Variants in NHSL1 observed in about 807,000 individuals in gnomAD.
NHSL1 encodes the protein NHS-like protein 1.
NHSL1 carries 48 observed loss-of-function variants against 95.0 expected under a neutral mutation model. The observed-to-expected ratio is 0.51, with a 90% CI of 0.40 to 0.64. The LOEUF (loss-of-function observed/expected upper bound fraction) is 0.64, where lower values mean the gene tolerates loss of function less well. Among genes scored for constraint, NHSL1 ranks in the 30% least tolerant of loss-of-function variants. The pLI, the probability that NHSL1 is intolerant of heterozygous loss-of-function variation, is 0.00. For missense variants in NHSL1, 1,971 were observed against 2,077.7 expected (o/e 0.95, Z 1.00); for synonymous variants, 783 against 833.9 (o/e 0.94, Z 1.05).
intron 2 of NHSL1, among the ~76,000 whole-genome samples, chr6:138,494,137 A>G (rs1259501301): frequency 6.6e-6 from 1 of 152,194 alleles, no homozygotes; most frequent in Non-Finnish European, 1.5e-5. Flanking sequence ...TGGTGAACCT[A>G]TGGATAGCTA....
intron 1 of NHSL1, among the ~76,000 whole-genome samples, chr6:138,668,892 G>A (rs1326710368): frequency 6.6e-6 from 1 of 152,108 alleles, no homozygotes; most frequent in African/African-American, 2.4e-5. Flanking sequence ...AAAGTGCTGG[G>A]ATTACAGGTG....
intron 1 of NHSL1, among the ~76,000 whole-genome samples, chr6:138,620,123 G>A (rs1784635581): frequency 6.6e-6 from 1 of 151,648 alleles, no homozygotes. Flanking sequence ...ATTTAAGATG[G>A]AAACTAAAGA....
intron 1 of NHSL1, among the ~76,000 whole-genome samples, chr6:138,607,108 G>A (rs975472150): frequency 6.6e-6 from 1 of 152,140 alleles, no homozygotes; most frequent in Non-Finnish European, 1.5e-5. Flanking sequence ...GCTCCACACT[G>A]TTTGGGAATT....
chr6:138,443,889 A>C (rs919546006), intron 4 of NHSL1, among the ~76,000 whole-genome samples: 21 of 152,242 alleles, frequency 1.4e-4, no homozygotes, highest in Admixed American at 1.2e-3. Flanking sequence ...CTTCCTAGAC[A>C]AAAGATAAAA....
At chr6:138,586,072 T>G (rs1164021677) in intron 1 of NHSL1, among the ~76,000 whole-genome samples, 1 of 149,412 alleles carries the variant, frequency 6.7e-6, no homozygotes, top group Non-Finnish European at 1.5e-5. Context: ...AACAAATAAA[T>G]AAGAAGAAAA....
intron 1 of NHSL1, among the ~76,000 whole-genome samples, chr6:138,610,554 T>A (rs990274853): frequency 0.093 from 11,037 of 119,000 alleles, 1,056 homozygotes; most frequent in African/African-American, 0.31. Flanking sequence ...AAAAAATATA[T>A]ATATATTATA....
intron 3 of NHSL1, among the ~76,000 whole-genome samples, chr6:138,450,249 G>A (rs1777143064): frequency 6.6e-6 from 1 of 152,146 alleles, no homozygotes; most frequent in South Asian, 2.1e-4. Context: ...ATGGCAGTTT[G>A]TATAAGGGCC....
At chr6:138,613,979 A>G (rs1328698167) in intron 1 of NHSL1, among the ~76,000 whole-genome samples, 2 of 152,182 alleles carry the variant, frequency 1.3e-5, no homozygotes, top group Non-Finnish European at 2.9e-5. Flanking sequence ...CTATGGTAAC[A>G]ATATTGAGTG....
chr6:138,472,533 C>G (rs1778819227), intron 3 of NHSL1, among the ~76,000 whole-genome samples: 3 of 152,108 alleles, frequency 2.0e-5, no homozygotes, highest in Non-Finnish European at 4.4e-5. Context: ...TGGCCTAATT[C>G]CATTGAAAGT....
At chr6:138,625,930 A>G (rs969926693) in intron 1 of NHSL1, among the ~76,000 whole-genome samples, 10 of 152,230 alleles carry the variant, frequency 6.6e-5, no homozygotes, top group Admixed American at 3.9e-4. Flanking sequence ...GGTGTGACCC[A>G]CCACACCCAA....
At chr6:138,446,174 A>G (rs1776853517) in intron 4 of NHSL1, among the ~76,000 whole-genome samples, 2 of 151,658 alleles carry the variant, frequency 1.3e-5, no homozygotes, top group African/African-American at 4.9e-5. Flanking sequence ...AGTAGCTGGG[A>G]TTACACGCAC....
chr6:138,437,217 T>A (rs1356878204), intron 5 of NHSL1, among the ~76,000 whole-genome samples: 1 of 148,454 alleles, frequency 6.7e-6, no homozygotes, highest in Admixed American at 6.8e-5. Context: ...GAGGTTGCAG[T>A]GAGCTGAGAT....
intron 1 of NHSL1, among the ~76,000 whole-genome samples, chr6:138,638,293 G>C (rs1035914624): frequency 2.0e-5 from 3 of 152,182 alleles, no homozygotes; most frequent in Non-Finnish European, 4.4e-5. Context: ...CAGCACAACA[G>C]AGTGACTATA....
chr6:138,583,726 T>G (rs1665477468), intron 1 of NHSL1, among the ~76,000 whole-genome samples: 2 of 152,170 alleles, frequency 1.3e-5, no homozygotes, highest in African/African-American at 4.8e-5. Context: ...TCAAGTTTCT[T>G]TACTGGACCT....
intron 3 of NHSL1, among the ~76,000 whole-genome samples, chr6:138,456,794 G>GA (rs11398880): frequency 0.14 from 20,665 of 151,898 alleles, 1,438 homozygotes; most frequent in Middle Eastern, 0.17. Flanking sequence ...ACTGAAAAGA[G>GA]AAAAAAGTCA....
chr6:138,620,786 G>A (rs955443116), intron 1 of NHSL1, among the ~76,000 whole-genome samples: 8 of 152,132 alleles, frequency 5.3e-5, no homozygotes, highest in Admixed American at 1.3e-4. Context: ...CCCCAGCAGC[G>A]TGTGGCAATG....
intron 1 of NHSL1, among the ~76,000 whole-genome samples, chr6:138,625,736 G>T (rs780624826): frequency 6.0e-5 from 9 of 151,234 alleles, no homozygotes; most frequent in Non-Finnish European, 1.3e-4. Context: ...CTAAAACTCC[G>T]GGGCTCAAGA....
chr6:138,468,361 C>T (rs1778525693), intron 3 of NHSL1, among the ~76,000 whole-genome samples: 1 of 152,156 alleles, frequency 6.6e-6, no homozygotes, highest in African/African-American at 2.4e-5. Context: ...AGGCTATATA[C>T]CGGGGGTCCC....
intron 3 of NHSL1, among the ~76,000 whole-genome samples, chr6:138,460,907 C>A (rs1367706194): frequency 2.0e-5 from 3 of 151,830 alleles, no homozygotes; most frequent in African/African-American, 7.3e-5. Context: ...CTACCTGAAT[C>A]CTTCACAGCC....
Sources: gnomAD v4.1 joint callset for allele counts (sites outside exome capture counted in the v4.1 genomes callset) on GRCh38, gnomAD v4.1.1 for gene constraint, MANE v1.5 for transcripts, NCBI Gene and HGNC (gene_info 2026-07-23, HGNC 2026-07-21) for gene names.